DLGAP2: variants seen among roughly 807,000 people sequenced by gnomAD.
DLGAP2 encodes the protein disks large-associated protein 2.
In DLGAP2, 26 loss-of-function variants were observed where a neutral mutation model predicts 100.3. The ratio of observed to expected loss-of-function variants is 0.26; its 90% CI spans 0.19 to 0.36. The LOEUF (loss-of-function observed/expected upper bound fraction) is 0.36. DLGAP2 is among the 10% of genes least tolerant of loss of function. DLGAP2 has a pLI of 1.00. For synonymous variants in DLGAP2, 886 were observed against 630.1 expected, an observed-to-expected ratio of 1.41 and a Z score of -6.08; for missense variants, 1,858 against 1,453.2, an observed-to-expected ratio of 1.28 and a Z score of -4.53.
At chr8:1,585,882 C>T (rs1246465426) in intron 6 of DLGAP2, among the ~76,000 whole-genome samples, 1 of 152,046 alleles carries the variant, frequency 6.6e-6, no homozygotes, top group Non-Finnish European at 1.5e-5. Flanking sequence ...GCATGTCCAT[C>T]GCCAGGGGTT....
At chr8:1,264,459 G>A (rs1273431896) in intron 3 of DLGAP2, among the ~76,000 whole-genome samples, 1 of 152,136 alleles carries the variant, frequency 6.6e-6, no homozygotes, top group Admixed American at 6.5e-5. Context: ...GCCATGGATA[G>A]GATATAAAGT....
At chr8:766,867 G>A (rs55664508) in intron 1 of DLGAP2, among the ~76,000 whole-genome samples, 31 of 152,242 alleles carry the variant, frequency 2.0e-4, no homozygotes, top group Middle Eastern at 3.4e-3. Flanking sequence ...GTGTTTTCTA[G>A]TTCCTTGGGT....
intron 3 of DLGAP2, among the ~76,000 whole-genome samples, chr8:1,387,770 A>T (rs1016311107): frequency 6.6e-6 from 1 of 152,184 alleles, no homozygotes; most frequent in Non-Finnish European, 1.5e-5. Flanking sequence ...TTTTCTCAGG[A>T]ACCAGGTGGA....
chr8:1,700,508 C>T (rs1799536728), intron 14 of DLGAP2, among the ~76,000 whole-genome samples: 1 of 152,198 alleles, frequency 6.6e-6, no homozygotes, highest in African/African-American at 2.4e-5. Flanking sequence ...CAAGCATTAC[C>T]CTTTGCATGT....
intron 2 of DLGAP2, among the ~76,000 whole-genome samples, chr8:935,854 G>C (rs1468042128): frequency 6.6e-6 from 1 of 152,166 alleles, no homozygotes; most frequent in Non-Finnish European, 1.5e-5. Flanking sequence ...GAGTGTTTAT[G>C]TGCTTTTTAT....
chr8:1,144,765 G>A (rs1195185501), intron 2 of DLGAP2, among the ~76,000 whole-genome samples: 1 of 152,152 alleles, frequency 6.6e-6, no homozygotes, highest in African/African-American at 2.4e-5. Flanking sequence ...CAGTCAAACC[G>A]CAGACGGCCT....
At chr8:1,258,085 C>G (rs55663221) in intron 2 of DLGAP2, among the ~76,000 whole-genome samples, 7,190 of 152,230 alleles carry the variant, frequency 0.047, 601 homozygotes, top group African/African-American at 0.16. Flanking sequence ...CAGGCAGAGC[C>G]AAGTTCATAG....
chr8:1,146,823 G>A (rs13273796), intron 2 of DLGAP2, among the ~76,000 whole-genome samples: 132,163 of 152,226 alleles, frequency 0.87, 57,471 homozygotes, highest in Middle Eastern at 0.89. Context: ...CCACACAAGG[G>A]TAGGCCTGTT....
At chr8:989,652 TCC>T (rs1003888834) in intron 2 of DLGAP2, among the ~76,000 whole-genome samples, 60 of 152,172 alleles carry the variant, frequency 3.9e-4, no homozygotes, top group African/African-American at 1.4e-3. Context: ...ATGATTCTGC[TCC>T]ATCTGGAACC....
chr8:1,527,516 A>G (rs535138125), intron 4 of DLGAP2, among the ~76,000 whole-genome samples: 8 of 152,390 alleles, frequency 5.2e-5, no homozygotes, highest in African/African-American at 1.9e-4. Flanking sequence ...AATTGGGATC[A>G]GCACAGATTC....
intron 3 of DLGAP2, among the ~76,000 whole-genome samples, chr8:1,392,354 C>T (rs1796382757): frequency 6.6e-6 from 1 of 152,116 alleles, no homozygotes; most frequent in South Asian, 2.1e-4. Context: ...TACCTGCACT[C>T]CCACGGGGAG....
Position 1,498,189 on chromosome 8 carries a change from A to T in DLGAP2, c.107-3177A>T, listed in dbSNP as rs572739128. Among the ~76,000 whole-genome samples the T allele has an allele frequency of 7.9e-3, 1,196 of 152,244 alleles. 11 individuals are homozygous for T. Among genetic ancestry groups the T allele is most frequent in the African/African-American group, 0.028 (1,160 of 41,544 alleles). On this transcript the variant is annotated intron_variant, in intron 3 of 14. Coordinates refer to ENST00000637795, the MANE Select transcript of DLGAP2 (RefSeq NM_001346810.2). ...AGAAAGCGATGTCTGGGTGAAGATA[A>T]GGGGTTGTGGAGATGCAGTTCCCAC...
At position 1,577,541 on chromosome 8, in the gene DLGAP2, C is replaced by A. The variant is rs1254721012; in HGVS notation, c.1442+11647C>A. 5.6e-5 allele frequency among the ~76,000 whole-genome samples: 8 copies of A among 142,418 alleles called. No homozygotes were observed. The Admixed American group carries it at 5.7e-4, about 10-fold the overall frequency. The allele number at this position is 142,418 out of a possible 152,430, so 93.4% of individuals were successfully genotyped here. ...CAAGATCGTGCCATTGCCCTCCAGC[C>A]TGGGCCACAGAATTACACTCTCTCT... On this transcript the variant is annotated intron_variant, in intron 6 of 14. Transcript: ENST00000637795.
At chr8:1,316,937 C>T (rs1389931501) in intron 3 of DLGAP2, among the ~76,000 whole-genome samples, 1 of 96,844 alleles carries the variant, frequency 1.0e-5, no homozygotes, top group African/African-American at 4.4e-5. Flanking sequence ...GGTCTACACT[C>T]GAGACACTCG....
intron 3 of DLGAP2, among the ~76,000 whole-genome samples, chr8:1,417,341 G>A (rs1430345872): frequency 6.6e-6 from 1 of 151,890 alleles, no homozygotes; most frequent in Middle Eastern, 3.2e-3. Context: ...CTCACCGCAT[G>A]TTCATAGAAG....
intron 5 of DLGAP2, among the ~76,000 whole-genome samples, chr8:1,557,116 T>C (rs1801991928): frequency 6.6e-6 from 1 of 152,154 alleles, no homozygotes; most frequent in African/African-American, 2.4e-5. Flanking sequence ...CTCCACCTAC[T>C]ACCTGCCGGA....
At chr8:1,563,168 A>G (rs867477955) in intron 5 of DLGAP2, among the ~76,000 whole-genome samples, 34 of 29,220 alleles carry the variant, frequency 1.2e-3, no homozygotes, top group Admixed American at 2.5e-3. Context: ...GCGCCTCGTT[A>G]CTGGGGGGCT....
chr8:1,653,262 G>GAC (rs1328305686), intron 8 of DLGAP2, among the ~76,000 whole-genome samples: 13 of 151,740 alleles, frequency 8.6e-5, no homozygotes, highest in African/African-American at 2.9e-4. Context: ...GGTGCCTGGA[G>GAC]ACACTGGCAT....
At chr8:885,876 C>G (rs1009978659) in intron 1 of DLGAP2, among the ~76,000 whole-genome samples, 37 of 152,134 alleles carry the variant, frequency 2.4e-4, no homozygotes, top group African/African-American at 8.7e-4. Flanking sequence ...ATTGTTGTGT[C>G]TCTTCCTGGT....
Sources: gnomAD v4.1 joint callset for allele counts (sites outside exome capture counted in the v4.1 genomes callset) on GRCh38, gnomAD v4.1.1 for gene constraint, MANE v1.5 for transcripts, NCBI Gene and HGNC (gene_info 2026-07-23, HGNC 2026-07-21) for gene names.